The following ST6GALNAC5 variants were observed in gnomAD, a reference collection of about 807,000 sequenced individuals.
ST6GALNAC5 encodes alpha-N-acetylgalactosaminide alpha-2,6-sialyltransferase 5.
In ST6GALNAC5, 27 loss-of-function variants were observed where a neutral mutation model predicts 33.6. That is an observed-to-expected ratio of 0.80 (90% CI 0.59 to 1.11). The LOEUF is 1.11. Among genes scored for constraint, ST6GALNAC5 ranks in the 50% least tolerant of loss-of-function variants. The pLI, the probability that ST6GALNAC5 is intolerant of heterozygous loss-of-function variation, is 0.00. For synonymous variants in ST6GALNAC5, 194 were observed against 171.2 expected (o/e 1.13, Z -1.04); for missense variants, 428 against 454.0 (o/e 0.94, Z 0.52).
chr1:76,886,066 G>A (rs1653886655), intron 2 of ST6GALNAC5, among the ~76,000 whole-genome samples: 1 of 152,170 alleles, frequency 6.6e-6, no homozygotes, highest in Admixed American at 6.5e-5. Flanking sequence ...CTTCTGCTCC[G>A]TGATGCAATT....
chr1:76,959,718 T>C (rs145279619), intron 2 of ST6GALNAC5, among the ~76,000 whole-genome samples: 1 of 152,324 alleles, frequency 6.6e-6, no homozygotes, highest in Non-Finnish European at 1.5e-5. Flanking sequence ...GTCAGATGCT[T>C]CAGAACAGCT....
In ST6GALNAC5 at chr1:76,867,600, C is replaced by T; in HGVS notation, c.-76C>T. On this transcript the variant is annotated 5_prime_UTR_variant, in exon 1 of 5. Transcript: ENST00000477717. ...TCAGAGCCGCCTCCGCCCCATTACC[C>T]ATCATGGAAACCCTCCAGGAAAAAG... The T allele has an allele frequency of 1.9e-6, 3 of 1,610,716 alleles. No homozygotes were observed. The highest frequency in any genetic ancestry group is 1.1e-5 in the South Asian group (1 of 91,014).
At chr1:76,881,306 G>C (rs749638645) in intron 2 of ST6GALNAC5, among the ~76,000 whole-genome samples, 9 of 151,940 alleles carry the variant, frequency 5.9e-5, no homozygotes, top group Admixed American at 1.3e-4. Context: ...TCTGGGCCTG[G>C]GACAAATAAA....
intron 2 of ST6GALNAC5, among the ~76,000 whole-genome samples, chr1:76,913,074 G>A (rs1445415093): frequency 1.3e-5 from 2 of 152,058 alleles, no homozygotes; most frequent in Non-Finnish European, 2.9e-5. Context: ...TCCTTTCCAT[G>A]TTTAGTGCCT....
rs986953852 is a variant in ST6GALNAC5 at position 77,067,115 on chromosome 1, C to A, written c.*3909C>A. Among the ~76,000 whole-genome samples the A allele has an allele frequency of 1.3e-5, 2 of 152,000 alleles. No homozygotes were observed. The highest frequency in any genetic ancestry group is 2.9e-5 in the Non-Finnish European group (2 of 68,022). On this transcript the variant is annotated 3_prime_UTR_variant, in exon 5 of 5. Coordinates refer to ENST00000477717, the MANE Select transcript of ST6GALNAC5 (RefSeq NM_030965.3). Reference sequence around the variant, plus strand: ...CCTGGGCTCCATGACAGTGGCTCACCCTATCAGAAGGCCACGTCAAAGAGA... The same window carrying A: ...CCTGGGCTCCATGACAGTGGCTCACACTATCAGAAGGCCACGTCAAAGAGA...
intron 2 of ST6GALNAC5, among the ~76,000 whole-genome samples, chr1:77,002,571 A>C (rs1458267892): frequency 6.7e-6 from 1 of 148,954 alleles, no homozygotes; most frequent in Non-Finnish European, 1.5e-5. Context: ...TAGTTCTTTT[A>C]ATTGTGATGT....
intron 2 of ST6GALNAC5, among the ~76,000 whole-genome samples, chr1:77,016,738 A>G (rs1281555662): frequency 6.6e-6 from 1 of 152,184 alleles, no homozygotes; most frequent in Non-Finnish European, 1.5e-5. Context: ...TCTTTTTAGA[A>G]TTGTTTCATG....
intron 2 of ST6GALNAC5, among the ~76,000 whole-genome samples, chr1:76,910,029 T>G: frequency 6.6e-6 from 1 of 152,066 alleles, no homozygotes; most frequent in South Asian, 2.1e-4. Flanking sequence ...ATTCTAGGAC[T>G]GGGAAACAAA....
At chr1:76,902,965 C>G (rs1271719581) in intron 2 of ST6GALNAC5, among the ~76,000 whole-genome samples, 1 of 152,126 alleles carries the variant, frequency 6.6e-6, no homozygotes, top group African/African-American at 2.4e-5. Flanking sequence ...AGGGATAAAT[C>G]TGCAGGACCT....
chr1:76,990,416 C>T (rs551444862), intron 2 of ST6GALNAC5, among the ~76,000 whole-genome samples: 28 of 152,288 alleles, frequency 1.8e-4, no homozygotes, highest in African/African-American at 6.7e-4. Context: ...AAAATCCAGA[C>T]ACATGAGGTC....
At chr1:76,962,133 G>A (rs1409636710) in intron 2 of ST6GALNAC5, among the ~76,000 whole-genome samples, 2 of 152,198 alleles carry the variant, frequency 1.3e-5, no homozygotes, top group Non-Finnish European at 2.9e-5. Context: ...TGACAAAGAT[G>A]CTGATACAAC....
At chr1:76,961,103 A>G (rs960137022) in intron 2 of ST6GALNAC5, among the ~76,000 whole-genome samples, 18 of 152,208 alleles carry the variant, frequency 1.2e-4, no homozygotes, top group Admixed American at 3.3e-4. Flanking sequence ...AAATTATAAA[A>G]GTATTAATTT....
At chr1:76,881,750 A>G (rs1014652086) in intron 2 of ST6GALNAC5, among the ~76,000 whole-genome samples, 1 of 152,218 alleles carries the variant, frequency 6.6e-6, no homozygotes, top group Non-Finnish European at 1.5e-5. Flanking sequence ...GAATAGCTGC[A>G]AGTCATAAAT....
chr1:76,996,156 A>G (rs1378155731), intron 2 of ST6GALNAC5, among the ~76,000 whole-genome samples: 2 of 152,248 alleles, frequency 1.3e-5, no homozygotes, highest in African/African-American at 4.8e-5. Context: ...AAAGTTGCAC[A>G]GCTAACTTAT....
chr1:76,883,182 G>A (rs1653821957), intron 2 of ST6GALNAC5, among the ~76,000 whole-genome samples: 1 of 152,182 alleles, frequency 6.6e-6, no homozygotes, highest in Non-Finnish European at 1.5e-5. Flanking sequence ...ATCAGTGGAG[G>A]AAATAAATGT....
chr1:77,042,258 C>G (rs1173722453), intron 2 of ST6GALNAC5, among the ~76,000 whole-genome samples: 3 of 152,184 alleles, frequency 2.0e-5, no homozygotes, highest in Non-Finnish European at 4.4e-5. Context: ...GGCCAGTTTT[C>G]CTTTGTGCCC....
intron 2 of ST6GALNAC5, among the ~76,000 whole-genome samples, chr1:76,910,239 A>G (rs996723384): frequency 1.7e-4 from 26 of 151,972 alleles, no homozygotes; most frequent in African/African-American, 6.0e-4. Flanking sequence ...ATTTTTTTCA[A>G]TTGTTGCCTA....
intron 2 of ST6GALNAC5, among the ~76,000 whole-genome samples, chr1:76,979,674 T>A (rs1408389381): frequency 1.3e-5 from 2 of 152,116 alleles, no homozygotes; most frequent in African/African-American, 4.8e-5. Context: ...TGCCTGTAAT[T>A]CCAGCATTTT....
chr1:76,970,178 C>T (rs1218048207), intron 2 of ST6GALNAC5, among the ~76,000 whole-genome samples: 1 of 151,984 alleles, frequency 6.6e-6, no homozygotes, highest in Non-Finnish European at 1.5e-5. Context: ...TCGCCAGCAA[C>T]AGAACAAAGC....
Sources: allele counts gnomAD v4.1 joint callset (sites outside exome capture counted in the v4.1 genomes callset), GRCh38; gene constraint gnomAD v4.1.1; transcripts MANE v1.5; gene names NCBI Gene and HGNC (gene_info 2026-07-23, HGNC 2026-07-21).